The following ZNF626 variants were observed in gnomAD, a reference collection of about 807,000 sequenced individuals.
ZNF626 encodes CTC-513N18.7.
A neutral mutation model predicts 11.7 loss-of-function variants in ZNF626; 4 were observed. The ratio of observed to expected loss-of-function variants is 0.34; its 90% CI spans 0.17 to 0.78. The LOEUF (loss-of-function observed/expected upper bound fraction) is 0.78, where lower values mean the gene tolerates loss of function less well. ZNF626 is among the 30% of genes least tolerant of loss of function. ZNF626 has a pLI of 0.57. For missense variants in ZNF626, 588 were observed against 587.1 expected (o/e 1.00, Z -0.01); for synonymous variants, 179 against 198.6 (o/e 0.90, Z 0.83).
chr19:20,638,284 G>A (rs145450002), intron 3 of ZNF626, among the ~76,000 whole-genome samples: 18,310 of 151,874 alleles, frequency 0.12, 1,148 homozygotes, highest in Middle Eastern at 0.19. Context: ...AATTAGCTGG[G>A]CATGGTGGCG....
chr19:20,661,433 C>G lies in ZNF626; in HGVS notation c.3+11G>C. On this transcript the variant is annotated intron_variant, in intron 1 of 3. Coordinates refer to ENST00000601440, the MANE Select transcript of ZNF626 (RefSeq NM_001076675.3). The stretch of plus-strand genomic sequence containing the variant: ...CTCTCCTCTCTCGGGATGTCGGACC[C>G]TCACTCTCACCATTTTTGGCTTCCA... The G allele has an allele frequency of 6.2e-7, 1 of 1,613,948 alleles. No individual in the cohort carries two copies. The highest frequency in any genetic ancestry group is 1.1e-5 in the South Asian group (1 of 91,058).
Position 20,621,151 on chromosome 19 carries a change from T to TG in ZNF626, c.*3138dup. On this transcript the variant is annotated 3_prime_UTR_variant, in exon 4 of 4. Transcript: ENST00000601440. ...CTGGCTTTTTTCTTTCTTTTTGAGA[T>TG]GGAGTGTCCGTCTGTCACCCAGGCT... is the stretch of plus-strand genomic sequence containing the variant. The TG allele has an allele frequency of 6.8e-6, 1 of 146,510 alleles. No individual in the cohort carries two copies. Among genetic ancestry groups the TG allele is most frequent in the South Asian group, 2.2e-4 (1 of 4,546 alleles). The allele number at this position is 146,510 out of a possible 1,614,324, so 9.1% of individuals were successfully genotyped here. A position where few individuals can be genotyped will look rare whatever the true frequency, so the allele number is the denominator to read the frequency against.
At chr19:20,629,397 A>T (rs1341758034) in intron 3 of ZNF626, among the ~76,000 whole-genome samples, 1 of 152,186 alleles carries the variant, frequency 6.6e-6, no homozygotes, top group East Asian at 1.9e-4. Context: ...CACGATATTG[A>T]TTCTTCCTAT....
chr19:20,625,501 G>T lies in ZNF626; in HGVS notation c.376C>A (p.His126Asn), dbSNP rs782372606. Residue 126 changes from histidine to asparagine, a missense_variant, in exon 4 of 4, where the codon CAC (histidine) becomes AAC (asparagine). Around this residue, in one of 4 missense-constraint regions of ZNF626, gnomAD observed 524 missense variants for 470.1 expected, o/e 1.11. Coordinates refer to ENST00000601440, the MANE Select transcript of ZNF626 (RefSeq NM_001076675.3). The part of the protein sequence containing the change: ...GCISVDECKV[H>N]KEGYNELNQC... The stretch of plus-strand genomic sequence containing the variant: ...TTAAGTTCATTATAACCTTCTTTGT[G>T]CACCTTACACTCATCCACACTTATA... 5.0e-6 allele frequency: 8 copies of T among 1,613,920 alleles called. No individual in the cohort carries two copies. The highest frequency in any genetic ancestry group is 5.9e-6 in the Non-Finnish European group (7 of 1,179,978).
intron 3 of ZNF626, among the ~76,000 whole-genome samples, chr19:20,629,511 T>C (rs1444157153): frequency 6.6e-6 from 1 of 152,194 alleles, no homozygotes; most frequent in Admixed American, 6.5e-5. Flanking sequence ...CCTTGTAAGG[T>C]GGATTCCTAG....
chr19:20,650,806 T>C (rs1772196371), intron 1 of ZNF626, among the ~76,000 whole-genome samples: 1 of 152,232 alleles, frequency 6.6e-6, no homozygotes, highest in Non-Finnish European at 1.5e-5. Flanking sequence ...CTTTATATTA[T>C]ATGCTAATAT....
intron 3 of ZNF626, among the ~76,000 whole-genome samples, chr19:20,627,677 C>T (rs1328502555): frequency 1.3e-5 from 2 of 151,936 alleles, no homozygotes; most frequent in Admixed American, 1.3e-4. Context: ...TTTTAAAAAT[C>T]AAGAGTCAAC....
chr19:20,649,721 G>C (rs1448984872), intron 1 of ZNF626, among the ~76,000 whole-genome samples: 5 of 152,180 alleles, frequency 3.3e-5, no homozygotes, highest in African/African-American at 1.2e-4. Context: ...TAAATCACTT[G>C]GTAATTTTGG....
chr19:20,636,885 G>A (rs1969970816), intron 3 of ZNF626, among the ~76,000 whole-genome samples: 1 of 152,004 alleles, frequency 6.6e-6, no homozygotes, highest in African/African-American at 2.4e-5. Flanking sequence ...TTTGGGCATG[G>A]TGGCACATTC....
chr19:20,654,471 G>A (rs1970182879), intron 1 of ZNF626, among the ~76,000 whole-genome samples: 1 of 151,944 alleles, frequency 6.6e-6, no homozygotes, highest in African/African-American at 2.4e-5. Context: ...CACTTTGGGA[G>A]GCTGAGGTGG....
At chr19:20,641,836 A>C (rs1421775832) in intron 3 of ZNF626, among the ~76,000 whole-genome samples, 1 of 152,054 alleles carries the variant, frequency 6.6e-6, no homozygotes, top group Non-Finnish European at 1.5e-5. Flanking sequence ...ATTACAGAAG[A>C]GAGCCACAAC....
rs1969767152 is a variant in ZNF626, at chr19:20,622,325, TTCTC to T, written c.*1961_*1964del. On this transcript the variant is annotated 3_prime_UTR_variant, in exon 4 of 4. Transcript: ENST00000601440. ...TGATATACTTTAATTTATAATTTCT[TTCTC>T]TCAGTATAATGTAGAAAAGTATTAC... 1 of 152,210 alleles carries T rather than the reference TTCTC, an allele frequency of 6.6e-6. No individual in the cohort carries two copies. The highest frequency in any genetic ancestry group is 2.4e-5 in the African/African-American group (1 of 41,462). 9.4% of individuals were successfully genotyped at this position (152,210 alleles called of 1,614,324 possible).
intron 3 of ZNF626, among the ~76,000 whole-genome samples, chr19:20,632,496 CT>C (rs1969917458): frequency 1.3e-5 from 2 of 152,076 alleles, no homozygotes; most frequent in African/African-American, 4.8e-5. Flanking sequence ...TCTTTTTATT[CT>C]TTTTTCTCTA....
chr19:20,659,786 C>G (rs750638633), intron 1 of ZNF626, among the ~76,000 whole-genome samples: 51 of 151,884 alleles, frequency 3.4e-4, no homozygotes, highest in Non-Finnish European at 7.1e-4. Context: ...AAAACCATAA[C>G]AACTTCATTA....
At chr19:20,627,629 C>T (rs1969853796) in intron 3 of ZNF626, among the ~76,000 whole-genome samples, 1 of 151,848 alleles carries the variant, frequency 6.6e-6, no homozygotes, top group Admixed American at 6.6e-5. Context: ...TCTTTCCAAT[C>T]AAGAGATATA....
At position 20,661,478 on chromosome 19, in the gene ZNF626, C is replaced by T; in HGVS notation, c.-32G>A. 1.9e-6 allele frequency: 3 copies of T among 1,613,108 alleles called. No individual in the cohort carries two copies. Among genetic ancestry groups the T allele is most frequent in the East Asian group, 4.5e-5 (2 of 44,866 alleles). On this transcript the variant is annotated 5_prime_UTR_variant, in exon 1 of 4. Transcript: ENST00000601440. Reference sequence around the variant, plus strand: ...CTTCCAGGAGGTCCCGGTGTCTTAGCTGTGGATCTCCCAATACCTGCAGGA... The same window carrying T: ...CTTCCAGGAGGTCCCGGTGTCTTAGTTGTGGATCTCCCAATACCTGCAGGA...
intron 3 of ZNF626, among the ~76,000 whole-genome samples, chr19:20,628,173 CT>C (rs782696834): frequency 3.9e-5 from 6 of 152,150 alleles, no homozygotes; most frequent in Non-Finnish European, 8.8e-5. Context: ...CTAATCCAGT[CT>C]ATCGTTGTTG....
chr19:20,636,837 A>G (rs1969970334), intron 3 of ZNF626, among the ~76,000 whole-genome samples: 1 of 152,114 alleles, frequency 6.6e-6, no homozygotes, highest in Non-Finnish European at 1.5e-5. Context: ...CCTGAATAAC[A>G]TGGTGAAACA....
At chr19:20,655,496 T>C (rs898767419) in intron 1 of ZNF626, among the ~76,000 whole-genome samples, 3 of 152,116 alleles carry the variant, frequency 2.0e-5, no homozygotes, top group African/African-American at 7.2e-5. Context: ...AACAAAGCAA[T>C]ACATCTTAAG....
Sources: gnomAD v4.1 joint callset for allele counts (sites outside exome capture counted in the v4.1 genomes callset) on GRCh38, gnomAD v4.1.1 for gene constraint, gnomAD v4.1.1 regional missense constraint, MANE v1.5 for transcripts, NCBI Gene and HGNC (gene_info 2026-07-23, HGNC 2026-07-21) for gene names.